SLC39A8: variants seen among roughly 807,000 people sequenced by gnomAD.
The protein encoded by SLC39A8 is metal cation symporter ZIP8.
A neutral mutation model predicts 40.4 loss-of-function variants in SLC39A8; 15 were observed. The observed-to-expected ratio is 0.37, with a 90% confidence interval of 0.25 to 0.57. The LOEUF is 0.57. Ranked by LOEUF, SLC39A8 falls within the 20% of genes least tolerant of loss-of-function variation. SLC39A8 has a pLI of 0.75. For synonymous variants in SLC39A8, 223 were observed against 221.6 expected (o/e 1.01, Z -0.06); for missense variants, 472 against 558.8 (o/e 0.84, Z 1.57).
chr4:102,322,893 G>A (rs941554131), intron 2 of SLC39A8, among the ~76,000 whole-genome samples: 1 of 152,210 alleles, frequency 6.6e-6, no homozygotes, highest in Non-Finnish European at 1.5e-5. Flanking sequence ...CCCAGAGGGA[G>A]CAAGCAGCAG....
At chr4:102,325,092 T>C (rs2149047451) in intron 2 of SLC39A8, among the ~76,000 whole-genome samples, 1 of 152,148 alleles carries the variant, frequency 6.6e-6, no homozygotes, top group African/African-American at 2.4e-5. Context: ...TACATATATA[T>C]ATGTATACAT....
At chr4:102,297,291 C>A (rs7699542) in intron 6 of SLC39A8, among the ~76,000 whole-genome samples, 1 of 151,952 alleles carries the variant, frequency 6.6e-6, no homozygotes, top group Non-Finnish European at 1.5e-5. Context: ...GCACTTCAAT[C>A]CTAATGTGGT....
chr4:102,295,980 G>A lies in SLC39A8; in HGVS notation c.840+8337C>T, dbSNP rs1422818990. 2.6e-5 allele frequency among the ~76,000 whole-genome samples: 4 copies of A among 152,172 alleles called. No individual in the cohort carries two copies. The East Asian group carries it at 5.8e-4, about 22-fold the overall frequency. ...TATTTCAAGGCTCTAACAGAGAATC[G>A]GTGGTGCAAAGCCTGATAAATCGTC... On this transcript the variant is annotated intron_variant, in intron 6 of 8. Transcript: ENST00000356736.
chr4:102,299,993 A>G (rs997647083), intron 6 of SLC39A8, among the ~76,000 whole-genome samples: 3 of 152,082 alleles, frequency 2.0e-5, no homozygotes, highest in African/African-American at 7.2e-5. Context: ...AGAAAAACAC[A>G]AAGCATGTCA....
chr4:102,335,291 G>A (rs78716666), intron 2 of SLC39A8, among the ~76,000 whole-genome samples: 3,265 of 152,214 alleles, frequency 0.021, 115 homozygotes, highest in African/African-American at 0.074. Flanking sequence ...AGGAACTTTT[G>A]CCAAGCTCAG....
intron 2 of SLC39A8, among the ~76,000 whole-genome samples, chr4:102,326,616 T>TTAA (rs1163341157): frequency 5.3e-5 from 8 of 152,306 alleles, no homozygotes; most frequent in African/African-American, 1.9e-4. Flanking sequence ...GTTTAATAAA[T>TTAA]TAAATATTTT....
intron 2 of SLC39A8, among the ~76,000 whole-genome samples, chr4:102,328,901 G>A (rs989374967): frequency 5.3e-5 from 8 of 151,982 alleles, no homozygotes; most frequent in Admixed American, 1.3e-4. Flanking sequence ...GGTGGTGGGC[G>A]CCTGTAGTCC....
At chr4:102,253,588 G>A (rs1731640634) in intron 11 of SLC39A8, among the ~76,000 whole-genome samples, 1 of 151,844 alleles carries the variant, frequency 6.6e-6, no homozygotes, top group Non-Finnish European at 1.5e-5. Flanking sequence ...AAATTGGAAA[G>A]CATTAAAAAT....
At position 102,315,798 on chromosome 4, in the gene SLC39A8, A is replaced by G. The variant is rs1479795530; in HGVS notation, c.252T>C (p.His84=). 5.0e-6 allele frequency: 8 copies of G among 1,613,180 alleles called. No individual in the cohort carries two copies. The highest frequency in any genetic ancestry group is 6.8e-6 in the Non-Finnish European group (8 of 1,179,516). Reference sequence around the variant, plus strand: ...TTATTTGGGTAGCATTTGAAAAGCCATGAAGGGAAAAGATCTCTTCAGCAG... The same window carrying G: ...TTATTTGGGTAGCATTTGAAAAGCCGTGAAGGGAAAAGATCTCTTCAGCAG... ...CLTAEEIFSL[H]GFSNATQITS... is the part of the protein sequence containing the mutation. Residue 84 remains histidine (H), a synonymous_variant, in exon 3 of 9, where the codon CAT becomes CAC. Coordinates refer to ENST00000356736, the MANE Select transcript of SLC39A8 (RefSeq NM_001135146.2).
At chr4:102,289,396 T>G (rs1339632692) in intron 6 of SLC39A8, among the ~76,000 whole-genome samples, 3 of 152,164 alleles carry the variant, frequency 2.0e-5, no homozygotes, top group African/African-American at 7.2e-5. Flanking sequence ...GTCGTTTTCA[T>G]GCCTGCCAAC....
At chr4:102,253,336 G>C (rs1267735717) in exon 12 of SLC39A8, 1 of 689,124 alleles carries the variant, frequency 1.5e-6, no homozygotes, top group East Asian at 2.8e-5. Context: ...TCATAACTAT[G>C]TCATATGCCA....
intron 2 of SLC39A8, among the ~76,000 whole-genome samples, chr4:102,338,661 C>A (rs1735784755): frequency 6.6e-6 from 1 of 152,108 alleles, no homozygotes; most frequent in African/African-American, 2.4e-5. Flanking sequence ...GTTGCTCTAG[C>A]TAGAGAAAGT....
chr4:102,287,454 T>C (rs1733232894), intron 6 of SLC39A8, among the ~76,000 whole-genome samples: 1 of 152,114 alleles, frequency 6.6e-6, no homozygotes, highest in South Asian at 2.1e-4. Context: ...GTCTTACATA[T>C]CTGTCAAGAT....
chr4:102,285,390 G>C (rs1034709416), intron 6 of SLC39A8, among the ~76,000 whole-genome samples: 5 of 151,996 alleles, frequency 3.3e-5, no homozygotes, highest in African/African-American at 1.2e-4. Flanking sequence ...CTAAGAAGCA[G>C]ACATATAGTA....
At chr4:102,329,127 G>A (rs2149049934) in intron 2 of SLC39A8, among the ~76,000 whole-genome samples, 1 of 152,212 alleles carries the variant, frequency 6.6e-6, no homozygotes, top group Non-Finnish European at 1.5e-5. Context: ...AGCCAACTCT[G>A]AAGTAATGGG....
chr4:102,315,717 G>T lies in SLC39A8; in HGVS notation c.333C>A (p.His111Gln). Residue 111 changes from histidine (H) to glutamine (Q), a missense_variant, in exon 3 of 9, where the codon CAC becomes CAA. Physicochemically the swap from His to Gln is conservative, Grantham distance 24. This residue lies in a region of SLC39A8 where 175 missense variants were observed against 160.5 expected (regional missense o/e 1.09). Coordinates refer to ENST00000356736, the MANE Select transcript of SLC39A8 (RefSeq NM_001135146.2). ...CPAVLQQLNFHPCEDRPKHKT... is the reference protein window; with the variant it reads ...CPAVLQQLNFQPCEDRPKHKT... ...TGTGCTTGGGCCGATCCTCACATGG[G>T]TGAAAGTTCAATTGCTGTAAGACTG... is the stretch of plus-strand genomic sequence containing the variant. 2.5e-6 allele frequency: 4 copies of T among 1,613,036 alleles called. No homozygotes were observed. Among genetic ancestry groups the T allele is most frequent in the Non-Finnish European group, 3.4e-6 (4 of 1,179,394 alleles).
intron 2 of SLC39A8, among the ~76,000 whole-genome samples, chr4:102,319,896 C>T (rs1483489208): frequency 6.6e-6 from 1 of 151,874 alleles, no homozygotes; most frequent in African/African-American, 2.4e-5. Context: ...GTGAGTCCAA[C>T]CCATTGAAGG....
intron 2 of SLC39A8, among the ~76,000 whole-genome samples, chr4:102,334,038 G>A (rs1377730384): frequency 6.6e-6 from 1 of 152,128 alleles, no homozygotes; most frequent in African/African-American, 2.4e-5. Flanking sequence ...ACAATAAGGT[G>A]GTTCCATGTG....
chr4:102,274,665 T>C (rs932655639), intron 6 of SLC39A8, among the ~76,000 whole-genome samples: 1 of 152,084 alleles, frequency 6.6e-6, no homozygotes, highest in African/African-American at 2.4e-5. Context: ...TTCACCAAGG[T>C]TGGAATGCAG....
Sources: allele counts gnomAD v4.1 joint callset (sites outside exome capture counted in the v4.1 genomes callset), GRCh38; gene constraint gnomAD v4.1.1; regional missense constraint gnomAD v4.1.1; transcripts MANE v1.5; gene names NCBI Gene and HGNC (gene_info 2026-07-23, HGNC 2026-07-21).